The following CUL9 variants were observed in gnomAD, a reference collection of about 807,000 sequenced individuals.
CUL9 encodes the protein cullin 9, also known as cullin-9.
In CUL9, 79 loss-of-function variants were observed where a neutral mutation model predicts 272.6. The ratio of observed to expected loss-of-function variants is 0.29; its 90% CI spans 0.24 to 0.35. The LOEUF (loss-of-function observed/expected upper bound fraction) is 0.35, where lower values mean the gene tolerates loss of function less well. Ranked by LOEUF, CUL9 falls within the 10% of genes least tolerant of loss-of-function variation. The pLI, the probability that CUL9 is intolerant of heterozygous loss-of-function variation, is 1.00. For synonymous variants in CUL9, 1,186 were observed against 1,286.5 expected (o/e 0.92, Z 1.67); for missense variants, 2,532 against 3,255.6 (o/e 0.78, Z 5.41).
chr6:43,203,860 C>T lies in CUL9; in HGVS notation c.4032C>T (p.Asn1344=). 1 of 1,610,442 alleles carries T rather than the reference C, an allele frequency of 6.2e-7. No homozygotes were observed. The highest frequency in any genetic ancestry group is 8.5e-7 in the Non-Finnish European group (1 of 1,177,804). ...RRLLQLCPRL[N]RVLRHEQNFA... is the part of the protein sequence containing the mutation. ...ATGCACTGTTTGTTCCCAGACTGAACAGGGTTTTGCGCCACGAGCAGAATT... is the reference window on the plus strand; with the variant it reads ...ATGCACTGTTTGTTCCCAGACTGAATAGGGTTTTGCGCCACGAGCAGAATT... The change falls in exon 20 of 41, where the codon AAC becomes AAT. Residue 1344 remains asparagine, a synonymous_variant. Transcript: ENST00000252050. The surrounding 1 kb of genome is among the most constrained non-coding windows in gnomAD (Gnocchi z 5.0).
In CUL9 at chr6:43,186,947, T is replaced by A; in HGVS notation, c.1252-13T>A. On this transcript the variant is annotated splice_polypyrimidine_tract_variant and intron_variant, in intron 4 of 40. Transcript: ENST00000252050. ...TTCTCTATTCTGCTCTCTTTCTTCC[T>A]CCCTCATACCAGGTTTTCTGGCAGT... 6 of 1,613,362 alleles carry A rather than the reference T, an allele frequency of 3.7e-6. No individual in the cohort carries two copies. Among genetic ancestry groups the A allele is most frequent in the Non-Finnish European group, 5.1e-6 (6 of 1,179,576 alleles).
At chr6:43,212,233 C>A (rs1473015485) in intron 26 of CUL9, among the ~76,000 whole-genome samples, 1 of 152,236 alleles carries the variant, frequency 6.6e-6, no homozygotes, top group Non-Finnish European at 1.5e-5. Context: ...GCAGGTTCAG[C>A]CTGTCTCCCT....
intron 16 of CUL9, 141 bp from the exon 17 acceptor site, chr6:43,202,575 G>A (rs1774690946): frequency 7.4e-6 from 5 of 672,460 alleles, no homozygotes; most frequent in Non-Finnish European, 1.3e-5. Flanking sequence ...GTAGAGGTGG[G>A]GTCTTGCAGT....
intron 12 of CUL9, 54 bp downstream of exon 12, chr6:43,198,909 C>T: frequency 6.4e-7 from 1 of 1,558,320 alleles, no homozygotes; most frequent in Admixed American, 2.0e-5. Context: ...TGGCAGACTT[C>T]AGGGACTTCA....
Position 43,206,316 on chromosome 6 carries a change from C to T in CUL9, c.5023-5C>T. 1 of 1,613,882 alleles carries T rather than the reference C, an allele frequency of 6.2e-7. No homozygotes were observed. Among genetic ancestry groups the T allele is most frequent in the Non-Finnish European group, 8.5e-7 (1 of 1,179,886 alleles). ...AAGGGCCCTTGAAATCCTTCTGTCCCTCAGGAGGAAGAGGAGGAAGAGGAA... is the reference window on the plus strand; with the variant it reads ...AAGGGCCCTTGAAATCCTTCTGTCCTTCAGGAGGAAGAGGAGGAAGAGGAA... On this transcript the variant is annotated splice_region_variant and splice_polypyrimidine_tract_variant and intron_variant, in intron 25 of 40. Transcript: ENST00000252050. This position sits in a 1 kb window ranked among gnomAD's most constrained non-coding sequence, Gnocchi z 4.8.
chr6:43,186,089 G>A lies in CUL9; in HGVS notation c.885G>A (p.Arg295=), dbSNP rs1324370612. The A allele has an allele frequency of 6.2e-7, 1 of 1,614,130 alleles. No individual in the cohort carries two copies. Among genetic ancestry groups the A allele is most frequent in the Admixed American group, 1.7e-5 (1 of 60,008 alleles). The change falls in exon 4 of 41, where the codon CGG becomes CGA. Residue 295 remains arginine (R), a synonymous_variant. Coordinates refer to ENST00000252050, the MANE Select transcript of CUL9 (RefSeq NM_015089.4). ...CATGTGCCACAAGAGAGAAAAGCCG[G>A]GGACAGCGGGAACTGGAGTTCAGCA... The part of the protein sequence containing the change: ...SSPCATREKS[R]GQRELEFSMA...
At position 43,184,318 on chromosome 6, in the gene CUL9, G is replaced by A. The variant is rs774806299; in HGVS notation, c.8G>A (p.Gly3Glu). The A allele has an allele frequency of 6.6e-7, 1 of 1,516,248 alleles. No individual in the cohort carries two copies. Among genetic ancestry groups the A allele is most frequent in the Non-Finnish European group, 8.9e-7 (1 of 1,127,780 alleles). The allele number at this position is 1,516,248 out of a possible 1,614,324, so 93.9% of individuals were successfully genotyped here. A position where few individuals can be genotyped will look rare whatever the true frequency, so the allele number is the denominator to read the frequency against. The change falls in exon 2 of 41, where the codon GGG becomes GAG. Residue 3 changes from glycine to glutamate, a missense_variant. Gly to Glu is a moderately conservative substitution (Grantham distance 98, BLOSUM62 -2). Around this residue, in one of 3 missense-constraint regions of CUL9, gnomAD observed 2,218 missense variants for 2,788.6 expected, o/e 0.80. Transcript: ENST00000252050. The surrounding 1 kb of genome is among the most constrained non-coding windows in gnomAD (Gnocchi z 4.8). Reference protein sequence around the residue: MVGERHAGDLMVP... With the variant: MVEERHAGDLMVP... ...GTATCCCAGGAGGTCAGGATGGTGG[G>A]GGAACGGCATGCTGGGGACCTCATG...
chr6:43,216,437 C>G lies in CUL9; in HGVS notation c.6216C>G (p.Val2072=), dbSNP rs775313293. The change falls in exon 31 of 41, where the codon GTC becomes GTG. Residue 2072 remains valine (V), a synonymous_variant. Transcript: ENST00000252050. ...AVPVRPDHCP[V]CVSPLGCDDD... ...CCGTACGGCCTGACCACTGCCCCGT[C>G]TGTGTGAGCCCCCTGGGGTGTGACG... 6.2e-7 allele frequency: 1 copy of G among 1,611,956 alleles called. No individual in the cohort carries two copies. Among genetic ancestry groups the G allele is most frequent in the Non-Finnish European group, 8.5e-7 (1 of 1,178,284 alleles).
rs1774743822 is a variant in CUL9, at chr6:43,203,064, T to TG, written c.3754-45_3754-44insG. ...CTGTCAACAATTTTTCCAACCTTGT[T>TG]TCTGGAGGTGACAGTTCTCTCCCTC... On this transcript the variant is annotated intron_variant, in intron 17 of 40. Transcript: ENST00000252050. The surrounding 1 kb of genome is among the most constrained non-coding windows in gnomAD (Gnocchi z 5.0). 1.0e-5 allele frequency: 16 copies of TG among 1,602,094 alleles called. No individual in the cohort carries two copies. In the South Asian group the frequency reaches 1.8e-4, roughly 18 times the overall value.
At position 43,215,265 on chromosome 6, in the gene CUL9, C is replaced by T. The variant is rs1464121436; in HGVS notation, c.5875C>T (p.Pro1959Ser). ...GTATGCCGCTCCAGAGCCCATGGGG[C>T]CCTGCCGGGGTCAGGCAGATGTCCC... ...LMYAAPEPMG[P>S]CRGQADVPFC... Residue 1959 changes from proline (P) to serine (S), a missense_variant, in exon 30 of 41, where the codon CCC becomes TCC. Coordinates refer to ENST00000252050, the MANE Select transcript of CUL9 (RefSeq NM_015089.4). 6.2e-7 allele frequency: 1 copy of T among 1,614,094 alleles called. No homozygotes were observed. Among genetic ancestry groups the T allele is most frequent in the South Asian group, 1.1e-5 (1 of 91,082 alleles).
rs968509316 is a variant in CUL9 at position 43,199,641 on chromosome 6, C to T, written c.3156+270C>T. ...CAATCCAGACAGCTGTCCTCCCTTC[C>T]GGGTTTGTGCATTGGAGAGCAAGGC... is the stretch of plus-strand genomic sequence containing the variant. On this transcript the variant is annotated intron_variant, in intron 13 of 40. Coordinates refer to ENST00000252050, the MANE Select transcript of CUL9 (RefSeq NM_015089.4). This position sits in a 1 kb window ranked among gnomAD's most constrained non-coding sequence, Gnocchi z 4.4. Among the ~76,000 whole-genome samples the T allele has an allele frequency of 2.6e-5, 4 of 152,232 alleles. No individual in the cohort carries two copies. Among genetic ancestry groups the T allele is most frequent in the Non-Finnish European group, 5.9e-5 (4 of 68,042 alleles).
Position 43,222,859 on chromosome 6 carries a change from C to A in CUL9, c.7113C>A (p.Asn2371Lys). Residue 2371 changes from asparagine (N) to lysine (K), a missense_variant, in exon 38 of 41, where the codon AAC (asparagine) becomes AAA (lysine). Physicochemically the swap from Asn to Lys is moderately conservative, Grantham distance 94. Coordinates refer to ENST00000252050, the MANE Select transcript of CUL9 (RefSeq NM_015089.4). Reference protein sequence around the residue: ...YMDVVEQQTENLELHTNALQI... With the variant: ...YMDVVEQQTEKLELHTNALQI... Reference sequence around the variant, plus strand: ...ATGTGGTGGAGCAGCAGACAGAGAACCTGGAGCTGCACACCAATGCCCTGC... The same window carrying A: ...ATGTGGTGGAGCAGCAGACAGAGAAACTGGAGCTGCACACCAATGCCCTGC... The A allele has an allele frequency of 6.2e-7, 1 of 1,613,898 alleles. No individual in the cohort carries two copies. Among genetic ancestry groups the A allele is most frequent in the Non-Finnish European group, 8.5e-7 (1 of 1,179,904 alleles).
At chr6:43,185,923 G>C (rs113622744) in intron 3 of CUL9, 32 bp from the exon 4 acceptor site, 74 of 1,563,180 alleles carry the variant, frequency 4.7e-5, no homozygotes, top group Non-Finnish European at 6.1e-5. Context: ...GCCAGGAAGA[G>C]ATGAACCTGT....
In CUL9 at chr6:43,200,001, T is replaced by G. The variant is rs1252681710; in HGVS notation, c.3229T>G (p.Cys1077Gly). Residue 1077 changes from cysteine (C) to glycine (G), a missense_variant, in exon 14 of 41, where the codon TGC (cysteine) becomes GGC (glycine). Physicochemically the swap from Cys to Gly is radical, Grantham distance 159. Coordinates refer to ENST00000252050, the MANE Select transcript of CUL9 (RefSeq NM_015089.4). This position sits in a 1 kb window ranked among gnomAD's most constrained non-coding sequence, Gnocchi z 4.0. ...MHKDYAVVLC[C>G]LGAKEILSKV... ...TAAGGACTATGCTGTGGTGCTCTGCTGCCTGGGAGCAAAAGAGATCCTCTC... is the reference window on the plus strand; with the variant it reads ...TAAGGACTATGCTGTGGTGCTCTGCGGCCTGGGAGCAAAAGAGATCCTCTC... 2 of 1,614,128 alleles carry G rather than the reference T, an allele frequency of 1.2e-6. No homozygotes were observed. Among genetic ancestry groups the G allele is most frequent in the Non-Finnish European group, 1.7e-6 (2 of 1,180,052 alleles).
At chr6:43,183,091 T>C (rs1582269044) in intron 1 of CUL9, among the ~76,000 whole-genome samples, 1 of 152,346 alleles carries the variant, frequency 6.6e-6, no homozygotes, top group South Asian at 2.1e-4. Context: ...GCTCAGAGGT[T>C]AAGTAACTTG....
At chr6:43,195,484 G>A (rs1343546380) in intron 9 of CUL9, among the ~76,000 whole-genome samples, 1 of 152,208 alleles carries the variant, frequency 6.6e-6, no homozygotes, top group East Asian at 1.9e-4. Flanking sequence ...GTGTATAGGT[G>A]GTAATTGAAG....
At position 43,200,193 on chromosome 6, in the gene CUL9, C is replaced by T. The variant is rs767729862; in HGVS notation, c.3384+37C>T. On this transcript the variant is annotated intron_variant, in intron 14 of 40. Coordinates refer to ENST00000252050, the MANE Select transcript of CUL9 (RefSeq NM_015089.4). The surrounding 1 kb of genome is among the most constrained non-coding windows in gnomAD (Gnocchi z 4.0). ...CTGTGGGTATGCAGCTGAGAGAATG[C>T]AAGTCAGAAGCAGGAGAAGGGGATT... 6.3e-7 allele frequency: 1 copy of T among 1,578,216 alleles called. No individual in the cohort carries two copies. The highest frequency in any genetic ancestry group is 1.1e-5 in the South Asian group (1 of 89,616).
At chr6:43,188,224 T>G in intron 7 of CUL9, 106 bp downstream of exon 7, 1 of 1,366,176 alleles carries the variant, frequency 7.3e-7, no homozygotes, top group Non-Finnish European at 9.9e-7. Context: ...AGGTGATTTT[T>G]GCAGGGGAAA....
rs1292315383 is a variant in CUL9, at chr6:43,203,790, C to G, written c.4026-64C>G. 6.4e-7 allele frequency: 1 copy of G among 1,552,312 alleles called. No individual in the cohort carries two copies. The highest frequency in any genetic ancestry group is 8.7e-7 in the Non-Finnish European group (1 of 1,145,932). ...AGGGGTGATTGGGAGCTGATCTGCA[C>G]TTGAATGGAGGCCTCTGGGAAATCG... On this transcript the variant is annotated intron_variant, in intron 19 of 40. Transcript: ENST00000252050. This position sits in a 1 kb window ranked among gnomAD's most constrained non-coding sequence, Gnocchi z 5.0.
Sources: allele counts gnomAD v4.1 joint callset (sites outside exome capture counted in the v4.1 genomes callset), GRCh38; gene constraint gnomAD v4.1.1; regional missense constraint gnomAD v4.1.1; non-coding constraint Gnocchi (gnomAD v3.1); transcripts MANE v1.5; gene names NCBI Gene and HGNC (gene_info 2026-07-23, HGNC 2026-07-21).